LRRC8B: variants seen among roughly 807,000 people sequenced by gnomAD.
LRRC8B encodes leucine rich repeat containing 8 VRAC subunit B, also known as volume-regulated anion channel subunit LRRC8B.
In LRRC8B, 23 loss-of-function variants were observed where a neutral mutation model predicts 58.8. That is an observed-to-expected ratio of 0.39 (90% CI 0.28 to 0.55). The LOEUF is 0.55. LRRC8B is among the 20% of genes least tolerant of loss of function. The probability of loss-of-function intolerance (pLI) is 0.62; values close to 1 mark genes in which losing one functional copy is unlikely to be tolerated. For missense variants in LRRC8B, 694 were observed against 936.0 expected, an observed-to-expected ratio of 0.74 and a Z score of 3.37; for synonymous variants, 359 against 374.1, an observed-to-expected ratio of 0.96 and a Z score of 0.47.
intron 1 of LRRC8B, among the ~76,000 whole-genome samples, chr1:89,538,154 G>A (rs975448178): frequency 2.6e-5 from 4 of 152,124 alleles, no homozygotes. Context: ...ATGGTGGCTG[G>A]AGCCTGTAAT....
intron 1 of LRRC8B, among the ~76,000 whole-genome samples, chr1:89,532,370 GGT>G (rs1374694011): frequency 1.3e-5 from 2 of 152,134 alleles, no homozygotes; most frequent in African/African-American, 4.8e-5. Context: ...TGTGATAGTG[GGT>G]GAATAATATT....
At chr1:89,553,098 T>C (rs1473908779) in intron 1 of LRRC8B, among the ~76,000 whole-genome samples, 1 of 152,240 alleles carries the variant, frequency 6.6e-6, no homozygotes, top group Admixed American at 6.5e-5. Context: ...GAAGGCATTT[T>C]TGTTTGATTT....
Position 89,594,213 on chromosome 1 carries a change from T to TGTTCTTG in LRRC8B, c.*1174_*1180dup, listed in dbSNP as rs1655168966. The stretch of plus-strand genomic sequence containing the variant: ...CATTTCTTTATGAACTTACTGTTAG[T>TGTTCTTG]GTTCTTGGTTTCGGCTGTTTATGAC... On this transcript the variant is annotated 3_prime_UTR_variant, in exon 6 of 6. Coordinates refer to ENST00000330947, the MANE Select transcript of LRRC8B (RefSeq NM_001369817.2). The TGTTCTTG allele has an allele frequency of 6.6e-6, 1 of 152,232 alleles. No individual in the cohort carries two copies. Among genetic ancestry groups the TGTTCTTG allele is most frequent in the Non-Finnish European group, 1.5e-5 (1 of 68,032 alleles). The allele number at this position is 152,232 out of a possible 1,614,324, so 9.4% of individuals were successfully genotyped here.
intron 1 of LRRC8B, among the ~76,000 whole-genome samples, chr1:89,532,530 C>T (rs967627998): frequency 5.3e-5 from 8 of 152,126 alleles, no homozygotes; most frequent in African/African-American, 1.9e-4. Context: ...TGATTGTGAG[C>T]TAGTTCTCAC....
In LRRC8B at chr1:89,582,943, AC is replaced by A; in HGVS notation, c.295del (p.Arg99AspfsTer80). On this transcript the variant is annotated frameshift_variant, in exon 5 of 6. Transcript: ENST00000330947. LOFTEE classifies it high-confidence loss of function. ...CCCCTCCGAATTCAGAATGACCTCCACCGACAGCAGTACTCCTATATTGATG... is the reference window on the plus strand; with the variant it reads ...CCCCTCCGAATTCAGAATGACCTCCACGACAGCAGTACTCCTATATTGATG... ...PLPLRIQNDL[H>X]RQQYSYIDAV... 1.2e-6 allele frequency: 2 copies of A among 1,614,206 alleles called. No homozygotes were observed. The highest frequency in any genetic ancestry group is 1.7e-6 in the Non-Finnish European group (2 of 1,180,038).
intron 1 of LRRC8B, chr1:89,526,821 A>G (rs941189425): frequency 1.3e-5 from 2 of 152,286 alleles, no homozygotes; most frequent in South Asian, 2.1e-4. Context: ...TTTTTCCTCA[A>G]TTGGTAAGGT....
intron 1 of LRRC8B, among the ~76,000 whole-genome samples, chr1:89,550,511 T>C (rs1021145277): frequency 6.6e-6 from 1 of 152,190 alleles, no homozygotes; most frequent in African/African-American, 2.4e-5. Flanking sequence ...CTAGGTTCAC[T>C]TGCGAGAACA....
intron 1 of LRRC8B, among the ~76,000 whole-genome samples, chr1:89,563,611 A>G (rs1652840635): frequency 6.6e-6 from 1 of 152,178 alleles, no homozygotes; most frequent in Non-Finnish European, 1.5e-5. Context: ...CTAATATGTA[A>G]TCTGGTATTT....
At chr1:89,563,096 A>G (rs943963840) in intron 1 of LRRC8B, among the ~76,000 whole-genome samples, 1 of 152,170 alleles carries the variant, frequency 6.6e-6, no homozygotes, top group Non-Finnish European at 1.5e-5. Context: ...TAATTTGTGT[A>G]ACTCATTTAT....
At chr1:89,586,563 C>G (rs952623655) in intron 5 of LRRC8B, among the ~76,000 whole-genome samples, 1 of 152,104 alleles carries the variant, frequency 6.6e-6, no homozygotes, top group Admixed American at 6.6e-5. Flanking sequence ...ATGAAGAAAC[C>G]TTGAGACCAT....
At chr1:89,547,466 T>G (rs1651493873) in intron 1 of LRRC8B, among the ~76,000 whole-genome samples, 1 of 152,152 alleles carries the variant, frequency 6.6e-6, no homozygotes, top group South Asian at 2.1e-4. Flanking sequence ...TCTCAACCTT[T>G]GTGTATGTTT....
In LRRC8B at chr1:89,583,934, G is replaced by A; in HGVS notation, c.1284G>A (p.Met428Ile). ...ACAAGATAGAACTGCATCTTTTTAT[G>A]CTCAACGGTCTTCCAGACAATGTCT... The part of the protein sequence containing the change: ...AQDKIELHLF[M>I]LNGLPDNVFE... The change falls in exon 5 of 6, where the codon ATG becomes ATA. Residue 428 changes from methionine (M) to isoleucine (I), a missense_variant. Physicochemically the swap from Met to Ile is conservative, Grantham distance 10. Around this residue, in one of 5 missense-constraint regions of LRRC8B, gnomAD observed 162 missense variants for 198.5 expected, o/e 0.82. Coordinates refer to ENST00000330947, the MANE Select transcript of LRRC8B (RefSeq NM_001369817.2). This position sits in a 1 kb window ranked among gnomAD's most constrained non-coding sequence, Gnocchi z 5.2. 1 of 1,614,182 alleles carries A rather than the reference G, an allele frequency of 6.2e-7. No individual in the cohort carries two copies. The highest frequency in any genetic ancestry group is 8.5e-7 in the Non-Finnish European group (1 of 1,180,032).
chr1:89,567,039 T>A (rs1260420964), intron 1 of LRRC8B, among the ~76,000 whole-genome samples: 1 of 152,212 alleles, frequency 6.6e-6, no homozygotes, highest in Non-Finnish European at 1.5e-5. Context: ...AGGGGTAGAT[T>A]AGCTAGTTGT....
Position 89,583,070 on chromosome 1 carries a change from T to C in LRRC8B, c.420T>C (p.Leu140=), listed in dbSNP as rs1654356441. The change falls in exon 5 of 6, where the codon CTT becomes CTC. Residue 140 remains leucine (L), a synonymous_variant. Coordinates refer to ENST00000330947, the MANE Select transcript of LRRC8B (RefSeq NM_001369817.2). The surrounding 1 kb of genome is among the most constrained non-coding windows in gnomAD (Gnocchi z 5.2). The part of the protein sequence containing the change: ...LIFAACSNFW[L]HYPSTSSRLE... ...TTGCAGCCTGCAGCAACTTTTGGCT[T>C]CACTACCCCAGTACCAGTTCCAGGC... 1.2e-6 allele frequency: 2 copies of C among 1,614,166 alleles called. No homozygotes were observed. The highest frequency in any genetic ancestry group is 1.7e-6 in the Non-Finnish European group (2 of 1,180,024).
chr1:89,596,826 G>A lies in LRRC8B; in HGVS notation c.*3783G>A, dbSNP rs549761453. 7 of 152,280 alleles carry A rather than the reference G, an allele frequency of 4.6e-5. No homozygotes were observed. The highest frequency in any genetic ancestry group is 1.7e-4 in the African/African-American group (7 of 41,578). 9.4% of individuals were successfully genotyped at this position (152,280 alleles called of 1,614,324 possible). A position where few individuals can be genotyped will look rare whatever the true frequency, so the allele number is the denominator to read the frequency against. ...GCCTGTAATTATGTCTCATTGAGTA[G>A]TTTTACTTTGCCCATCCTGCAGTAT... On this transcript the variant is annotated 3_prime_UTR_variant, in exon 6 of 6. Transcript: ENST00000330947.
At chr1:89,574,277 T>C (rs1443751111) in intron 3 of LRRC8B, among the ~76,000 whole-genome samples, 1 of 152,196 alleles carries the variant, frequency 6.6e-6, no homozygotes, top group Non-Finnish European at 1.5e-5. Flanking sequence ...GCCACTAAGT[T>C]TTGATGTGAC....
intron 1 of LRRC8B, among the ~76,000 whole-genome samples, chr1:89,535,100 A>G (rs905459895): frequency 6.6e-6 from 1 of 152,130 alleles, no homozygotes; most frequent in African/African-American, 2.4e-5. Context: ...GGGAAAAAGA[A>G]TATGGCTGGA....
At chr1:89,559,585 C>CA (rs1458246604) in intron 1 of LRRC8B, among the ~76,000 whole-genome samples, 1 of 145,150 alleles carries the variant, frequency 6.9e-6, no homozygotes, top group Non-Finnish European at 1.5e-5. Context: ...AGCTAAATGA[C>CA]AGAGTGAGAC....
intron 5 of LRRC8B, among the ~76,000 whole-genome samples, chr1:89,589,400 A>C (rs1218756995): frequency 6.6e-6 from 1 of 152,224 alleles, no homozygotes; most frequent in Non-Finnish European, 1.5e-5. Context: ...AAATGGAGGC[A>C]AGATCCATCC....
Sources: gnomAD v4.1 joint callset for allele counts (sites outside exome capture counted in the v4.1 genomes callset) on GRCh38, gnomAD v4.1.1 for gene constraint, gnomAD v4.1.1 regional missense constraint, Gnocchi (gnomAD v3.1) non-coding constraint, MANE v1.5 for transcripts, NCBI Gene and HGNC (gene_info 2026-07-23, HGNC 2026-07-21) for gene names.